CCDC141: variants seen among roughly 807,000 people sequenced by gnomAD.
CCDC141 encodes the protein coiled-coil domain-containing protein 141.
In CCDC141, 168 loss-of-function variants were observed where a neutral mutation model predicts 181.0. The observed-to-expected ratio is 0.93, with a 90% CI of 0.82 to 1.05. CCDC141 has a LOEUF of 1.05. Among genes scored for constraint, CCDC141 ranks in the 50% least tolerant of loss-of-function variants. The probability of loss-of-function intolerance (pLI) is 0.00; values close to 1 mark genes in which losing one functional copy is unlikely to be tolerated. For synonymous variants in CCDC141, 666 were observed against 642.3 expected (o/e 1.04, Z -0.56); for missense variants, 1,902 against 1,788.5 (o/e 1.06, Z -1.14).
chr2:178,943,264 C>G (rs1159382418), intron 6 of CCDC141, among the ~76,000 whole-genome samples: 1 of 152,058 alleles, frequency 6.6e-6, no homozygotes, highest in Non-Finnish European at 1.5e-5. Context: ...AACAGATAAA[C>G]CAAATGCTGA....
intron 4 of CCDC141, among the ~76,000 whole-genome samples, chr2:178,971,366 A>G (rs981539323): frequency 1.3e-5 from 2 of 152,250 alleles, no homozygotes; most frequent in African/African-American, 4.8e-5. Context: ...CAAAACCACA[A>G]TGAGATACCA....
intron 11 of CCDC141, among the ~76,000 whole-genome samples, chr2:178,882,843 G>T (rs904493100): frequency 6.6e-6 from 1 of 152,074 alleles, no homozygotes. Context: ...AGTTGGCAGG[G>T]TTAGTCAGGG....
chr2:178,966,197 A>T (rs909364488), intron 4 of CCDC141, among the ~76,000 whole-genome samples: 1 of 152,240 alleles, frequency 6.6e-6, no homozygotes, highest in Non-Finnish European at 1.5e-5. Context: ...AAGCTTCAGC[A>T]GACTTGAACA....
chr2:178,893,865 A>G (rs188536169), intron 8 of CCDC141, among the ~76,000 whole-genome samples: 41 of 152,100 alleles, frequency 2.7e-4, no homozygotes, highest in Middle Eastern at 6.8e-3. Context: ...TTATGTATAG[A>G]TAACAAAGTA....
intron 6 of CCDC141, among the ~76,000 whole-genome samples, chr2:178,924,569 T>C (rs976543041): frequency 4.6e-5 from 7 of 152,274 alleles, no homozygotes; most frequent in Admixed American, 1.3e-4. Context: ...TTATGTCAAG[T>C]TGGATTATAA....
intron 2 of CCDC141, among the ~76,000 whole-genome samples, chr2:179,039,424 T>G (rs751079165): frequency 3.3e-5 from 5 of 152,196 alleles, no homozygotes; most frequent in Non-Finnish European, 5.9e-5. Context: ...AACATAATAA[T>G]TATGCCACTT....
chr2:178,942,426 C>T (rs1452850809), intron 6 of CCDC141, among the ~76,000 whole-genome samples: 1 of 152,108 alleles, frequency 6.6e-6, no homozygotes, highest in Non-Finnish European at 1.5e-5. Flanking sequence ...ACGATTCTAA[C>T]TACATGACAT....
chr2:179,005,486 T>TA (rs1202691451), intron 2 of CCDC141, among the ~76,000 whole-genome samples: 1 of 152,132 alleles, frequency 6.6e-6, no homozygotes, highest in Non-Finnish European at 1.5e-5. Flanking sequence ...TAAAAAACAA[T>TA]AAAAAAGTAA....
chr2:178,837,837 G>A (rs916717218), intron 22 of CCDC141, 93 bp from the exon 23 acceptor site: 14 of 1,369,986 alleles, frequency 1.0e-5, no homozygotes, highest in East Asian at 7.6e-5. Context: ...GAGATAACTC[G>A]AGACAACCTA....
intron 6 of CCDC141, among the ~76,000 whole-genome samples, chr2:178,937,668 C>G (rs1330654207): frequency 6.6e-6 from 1 of 151,892 alleles, no homozygotes; most frequent in African/African-American, 2.4e-5. Flanking sequence ...TTCTTTGTAC[C>G]TCTGGTGGAA....
intron 11 of CCDC141, among the ~76,000 whole-genome samples, chr2:178,883,477 G>A (rs1053228073): frequency 6.6e-6 from 1 of 152,104 alleles, no homozygotes; most frequent in Non-Finnish European, 1.5e-5. Context: ...AGGACAAACC[G>A]GTTGAGTAAA....
At chr2:179,016,526 A>G (rs962516713) in intron 2 of CCDC141, among the ~76,000 whole-genome samples, 2 of 152,080 alleles carry the variant, frequency 1.3e-5, no homozygotes, top group Admixed American at 6.6e-5. Flanking sequence ...AGAATGGTCC[A>G]TCTTCACATA....
chr2:178,978,809 CAAG>C (rs1691238752), intron 2 of CCDC141, 134 bp from the exon 3 acceptor site: 1 of 676,622 alleles, frequency 1.5e-6, no homozygotes, highest in Admixed American at 3.6e-5. Flanking sequence ...AACTGTTATG[CAAG>C]AAGGTGTATC....
chr2:178,978,269 A>T (rs1275173151), intron 3 of CCDC141, among the ~76,000 whole-genome samples: 1 of 152,052 alleles, frequency 6.6e-6, no homozygotes, highest in Non-Finnish European at 1.5e-5. Flanking sequence ...TAGTTATTTA[A>T]CTGTACTTTG....
At chr2:179,003,817 A>G (rs773726298) in intron 2 of CCDC141, among the ~76,000 whole-genome samples, 5 of 152,172 alleles carry the variant, frequency 3.3e-5, no homozygotes, top group Non-Finnish European at 5.9e-5. Context: ...AGTAACAATG[A>G]TTTACTGTCA....
intron 11 of CCDC141, among the ~76,000 whole-genome samples, chr2:178,881,905 TCTCTCTCTCTCACA>T (rs1386197717): frequency 3.8e-5 from 4 of 103,988 alleles, no homozygotes; most frequent in East Asian, 2.5e-4. Context: ...TCTCTCTCTC[TCTCTCTCTCTCACA>T]CACACACACA....
chr2:178,873,192 G>C (rs766083471), intron 12 of CCDC141: 1 of 151,832 alleles, frequency 6.6e-6, no homozygotes, highest in Non-Finnish European at 1.5e-5. Flanking sequence ...TACTTAACAG[G>C]ATATTTTAAA....
chr2:178,868,047 G>A lies in CCDC141; in HGVS notation c.2553C>T (p.Ile851=). The A allele has an allele frequency of 6.2e-7, 1 of 1,613,704 alleles. No homozygotes were observed. Among genetic ancestry groups the A allele is most frequent in the Non-Finnish European group, 8.5e-7 (1 of 1,179,720 alleles). The change falls in exon 16 of 24, where the codon ATC becomes ATT. Residue 851 remains isoleucine, a synonymous_variant. Coordinates refer to ENST00000443758, the MANE Select transcript of CCDC141 (RefSeq NM_173648.4). Reference sequence around the variant, plus strand: ...TTACAGGCCGCTGCACTGATGAGATGATGTCGACTCCTAAGGAAAGGGCCA... The same window carrying A: ...TTACAGGCCGCTGCACTGATGAGATAATGTCGACTCCTAAGGAAAGGGCCA... ...HRLALSLGVD[I]ISSVQRPHCS...
At chr2:179,024,460 C>T (rs961209441) in intron 2 of CCDC141, among the ~76,000 whole-genome samples, 3 of 152,158 alleles carry the variant, frequency 2.0e-5, no homozygotes, top group African/African-American at 7.2e-5. Context: ...AAGCATGGTG[C>T]TAGGCTCTAT....
Sources: gnomAD v4.1 joint callset for allele counts (sites outside exome capture counted in the v4.1 genomes callset) on GRCh38, gnomAD v4.1.1 for gene constraint, MANE v1.5 for transcripts, NCBI Gene and HGNC (gene_info 2026-07-23, HGNC 2026-07-21) for gene names.